The following ZFHX3 variants were observed in gnomAD, a reference collection of about 807,000 sequenced individuals.
ZFHX3 encodes zinc finger homeobox 3, also known as zinc finger homeobox protein 3.
ZFHX3 carries 42 observed loss-of-function variants against 279.1 expected under a neutral mutation model. That is an observed-to-expected ratio of 0.15 (90% CI 0.12 to 0.19). ZFHX3 has a LOEUF of 0.19. Among genes scored for constraint, ZFHX3 ranks in the 10% least tolerant of loss-of-function variants. ZFHX3 has a pLI of 1.00. For missense variants in ZFHX3, 4,981 were observed against 4,754.0 expected, an observed-to-expected ratio of 1.05 and a Z score of -1.40; for synonymous variants, 2,293 against 1,957.8, an observed-to-expected ratio of 1.17 and a Z score of -4.52.
intron 2 of ZFHX3, among the ~76,000 whole-genome samples, chr16:73,574,936 A>G (rs1438573016): frequency 6.6e-6 from 1 of 152,160 alleles, no homozygotes; most frequent in African/African-American, 2.4e-5. Context: ...CCCACCGACG[A>G]CGTTCTACTC....
intron 5 of ZFHX3, among the ~76,000 whole-genome samples, chr16:73,178,145 G>A (rs1349839517): frequency 6.6e-6 from 1 of 151,996 alleles, no homozygotes; most frequent in Non-Finnish European, 1.5e-5. Flanking sequence ...TTCTAAATGT[G>A]GATGACTTTT....
At chr16:73,156,059 C>T (rs1967073670) in intron 5 of ZFHX3, among the ~76,000 whole-genome samples, 2 of 151,508 alleles carry the variant, frequency 1.3e-5, no homozygotes, top group African/African-American at 4.8e-5. Context: ...GGTGAAACCC[C>T]ATCTCTACTA....
intron 1 of ZFHX3, among the ~76,000 whole-genome samples, chr16:72,987,707 T>G (rs140543586): frequency 6.6e-6 from 1 of 152,158 alleles, no homozygotes; most frequent in Non-Finnish European, 1.5e-5. Flanking sequence ...GACCTTGCCA[T>G]GAACTCATGG....
At chr16:73,004,159 CTTTTTT>C (rs3081625) in intron 1 of ZFHX3, among the ~76,000 whole-genome samples, 9 of 49,370 alleles carry the variant, frequency 1.8e-4, no homozygotes, top group South Asian at 1.5e-3. Context: ...AAAAACACGA[CTTTTTT>C]TTTTTTTTTT....
At chr16:73,391,794 A>G (rs2017017606) in intron 3 of ZFHX3, among the ~76,000 whole-genome samples, 1 of 152,184 alleles carries the variant, frequency 6.6e-6, no homozygotes, top group African/African-American at 2.4e-5. Context: ...TTTCATAAGA[A>G]GACAAAATTA....
intron 8 of ZFHX3, chr16:73,093,129 A>T (rs745791703): frequency 5.8e-6 from 3 of 520,062 alleles, no homozygotes; most frequent in South Asian, 2.8e-5. Flanking sequence ...GAAAACAAGA[A>T]CAACCCCGAC....
chr16:73,766,307 T>G (rs555892633), intron 1 of ZFHX3, among the ~76,000 whole-genome samples: 1 of 152,250 alleles, frequency 6.6e-6, no homozygotes, highest in South Asian at 2.1e-4. Flanking sequence ...TTTAAGATAT[T>G]TTAACTTAAA....
chr16:73,619,500 T>TATATATATATATATATA (rs34326004), intron 2 of ZFHX3, among the ~76,000 whole-genome samples: 63 of 131,700 alleles, frequency 4.8e-4, no homozygotes, highest in African/African-American at 1.8e-3. Context: ...AAAAAAAAAA[T>TATATATATATATATATA]TATATATATA....
At chr16:73,454,726 T>C (rs912176906) in intron 3 of ZFHX3, among the ~76,000 whole-genome samples, 2 of 152,154 alleles carry the variant, frequency 1.3e-5, no homozygotes, top group Non-Finnish European at 1.5e-5. Flanking sequence ...AGAGTGTGTG[T>C]GGCTCAGGGA....
At chr16:72,975,073 G>C (rs1045320498) in intron 1 of ZFHX3, among the ~76,000 whole-genome samples, 2 of 152,172 alleles carry the variant, frequency 1.3e-5, no homozygotes, top group Non-Finnish European at 2.9e-5. Flanking sequence ...CAAGGGCTTT[G>C]AGACAGACTG....
At chr16:72,994,373 C>T (rs551527362) in intron 1 of ZFHX3, among the ~76,000 whole-genome samples, 32 of 152,308 alleles carry the variant, frequency 2.1e-4, no homozygotes, top group African/African-American at 7.7e-4. Context: ...TCTTGTCTGC[C>T]TCCTGGGATG....
intron 5 of ZFHX3, among the ~76,000 whole-genome samples, chr16:72,824,818 C>CG (rs773387904): frequency 2.0e-4 from 30 of 152,278 alleles, no homozygotes; most frequent in East Asian, 1.7e-3. Flanking sequence ...GTTGCTGACA[C>CG]GGGGGGCTCT....
chr16:73,573,953 C>G (rs1486223789), intron 2 of ZFHX3, among the ~76,000 whole-genome samples: 1 of 152,208 alleles, frequency 6.6e-6, no homozygotes, highest in African/African-American at 2.4e-5. Flanking sequence ...AGCCTGCTTA[C>G]CTGTATCCTC....
chr16:73,090,500 G>A (rs544081225), intron 8 of ZFHX3, among the ~76,000 whole-genome samples: 4 of 152,276 alleles, frequency 2.6e-5, no homozygotes, highest in African/African-American at 9.6e-5. Flanking sequence ...ATATATGAGT[G>A]CCACGTGCTT....
chr16:73,503,143 T>C (rs2019267917), intron 2 of ZFHX3, among the ~76,000 whole-genome samples: 2 of 152,188 alleles, frequency 1.3e-5, no homozygotes, highest in South Asian at 4.1e-4. Context: ...ACACGATCGG[T>C]GGCCTGTGGA....
chr16:73,685,996 C>T (rs2053078329), intron 1 of ZFHX3, among the ~76,000 whole-genome samples: 1 of 152,162 alleles, frequency 6.6e-6, no homozygotes, highest in South Asian at 2.1e-4. Context: ...AAGGCTTAAG[C>T]AAAATTAAAC....
chr16:73,731,125 C>T (rs1022393446), intron 1 of ZFHX3, among the ~76,000 whole-genome samples: 9 of 152,180 alleles, frequency 5.9e-5, no homozygotes, highest in African/African-American at 1.2e-4. Context: ...GTCATCTCTG[C>T]GCTCTGTATT....
chr16:73,839,367 G>C (rs868264646), intron 1 of ZFHX3, among the ~76,000 whole-genome samples: 1 of 55,822 alleles, frequency 1.8e-5, no homozygotes, highest in East Asian at 5.0e-4. Context: ...AAAAAAAAAA[G>C]TTAGGTCTGC....
intron 5 of ZFHX3, among the ~76,000 whole-genome samples, chr16:72,823,074 G>A (rs1037653136): frequency 1.1e-4 from 16 of 152,112 alleles, no homozygotes; most frequent in African/African-American, 3.9e-4. Context: ...TATACTGAAA[G>A]TGGCCTGGAA....
Sources: allele counts gnomAD v4.1 joint callset (sites outside exome capture counted in the v4.1 genomes callset), GRCh38; gene constraint gnomAD v4.1.1; transcripts MANE v1.5; gene names NCBI Gene and HGNC (gene_info 2026-07-23, HGNC 2026-07-21).